AGPAT2: variants seen among roughly 807,000 people sequenced by gnomAD.
AGPAT2 encodes 1-acylglycerol-3-phosphate O-acyltransferase 2.
In AGPAT2, 18 loss-of-function variants were observed where a neutral mutation model predicts 26.1. That is an observed-to-expected ratio of 0.69 (90% CI 0.48 to 1.02). The LOEUF is 1.02. Among genes scored for constraint, AGPAT2 ranks in the 50% least tolerant of loss-of-function variants. The pLI is 0.00. For missense variants in AGPAT2, 415 were observed against 394.9 expected (o/e 1.05, Z -0.43); for synonymous variants, 200 against 174.2 (o/e 1.15, Z -1.16).
rs139346887 is a variant in AGPAT2, at chr9:136,683,771, G to A, written c.182+3405C>T. On this transcript the variant is annotated intron_variant, in intron 1 of 5. Transcript: ENST00000371696. ...CTGGGCCTGCACAGAGACACCTGGA[G>A]CGCTCTGGAGGACCAAGGTCACGGT... Among the ~76,000 whole-genome samples, 147 of 152,320 alleles carry A rather than the reference G, an allele frequency of 9.7e-4. 2 individuals are homozygous for A. In the East Asian group the frequency reaches 0.023, roughly 24 times the overall value.
intron 2 of AGPAT2, 45 bp from the exon 3 acceptor site, chr9:136,677,181 G>A (rs574814602): frequency 2.0e-5 from 32 of 1,604,606 alleles, no homozygotes; most frequent in South Asian, 1.8e-4. Flanking sequence ...GGGAGACAGC[G>A]TGCGCTGGAA....
intron 1 of AGPAT2, 146 bp from the exon 2 acceptor site, chr9:136,677,702 C>T: frequency 1.0e-6 from 1 of 998,754 alleles, no homozygotes; most frequent in Admixed American, 2.1e-5. Flanking sequence ...GGGGAGGGAG[C>T]CCCTGAAGCG....
At chr9:136,686,241 G>C (rs954929920) in intron 1 of AGPAT2, among the ~76,000 whole-genome samples, 76 of 152,368 alleles carry the variant, frequency 5.0e-4, no homozygotes, top group African/African-American at 1.8e-3. Context: ...GGAACCACGG[G>C]GAAGGGGGCC....
At chr9:136,675,144 C>T (rs1435126535) in intron 4 of AGPAT2, among the ~76,000 whole-genome samples, 3 of 152,162 alleles carry the variant, frequency 2.0e-5, no homozygotes, top group African/African-American at 7.2e-5. Flanking sequence ...GAGATTATGG[C>T]ACTCTTCCCT....
chr9:136,681,003 A>C (rs1394711851), intron 1 of AGPAT2, among the ~76,000 whole-genome samples: 1 of 152,018 alleles, frequency 6.6e-6, no homozygotes, highest in African/African-American at 2.4e-5. Flanking sequence ...GCACCACCTA[A>C]ACAATATAAT....
intron 1 of AGPAT2, among the ~76,000 whole-genome samples, chr9:136,686,678 G>A (rs1279303574): frequency 5.9e-5 from 9 of 152,228 alleles, no homozygotes; most frequent in African/African-American, 1.2e-4. Context: ...CGCCCCACAG[G>A]TGCGCCCATC....
Position 136,677,184 on chromosome 9 carries a change from C to T in AGPAT2, c.317-48G>A, listed in dbSNP as rs774089663. On this transcript the variant is annotated intron_variant, in intron 2 of 5. Transcript: ENST00000371696. ...CAGAGAGAGAGGGGGAGACAGCGTG[C>T]GCTGGAAGACAGCTGCTGAGCACCC... 2.2e-4 allele frequency: 345 copies of T among 1,599,842 alleles called. 2 individuals carry two copies. The highest frequency in any genetic ancestry group is 7.7e-4 in the Admixed American group (46 of 59,656).
chr9:136,676,641 T>G lies in AGPAT2; in HGVS notation c.532A>C (p.Asn178His). Residue 178 changes from asparagine (N) to histidine (H), a missense_variant, in exon 4 of 6, where the codon AAT (asparagine) becomes CAT (histidine). Coordinates refer to ENST00000371696, the MANE Select transcript of AGPAT2 (RefSeq NM_006412.4). ...WIYPEGTRND[N>H]GDLLPFKKGA... ...TTCTTAAAAGGCAGCAGGTCCCCATTGTCGTTGCGAGTACCCTCGGGATAG... is the reference window on the plus strand; with the variant it reads ...TTCTTAAAAGGCAGCAGGTCCCCATGGTCGTTGCGAGTACCCTCGGGATAG... 1 of 1,613,550 alleles carries G rather than the reference T, an allele frequency of 6.2e-7. No individual in the cohort carries two copies. The highest frequency in any genetic ancestry group is 1.3e-5 in the African/African-American group (1 of 75,040).
intron 5 of AGPAT2, among the ~76,000 whole-genome samples, chr9:136,674,228 C>T (rs1846057367): frequency 6.6e-6 from 1 of 152,264 alleles, no homozygotes; most frequent in Non-Finnish European, 1.5e-5. Context: ...GGCCTCTGCC[C>T]TCCATACGGG....
rs1489458362 is a variant in AGPAT2 at position 136,677,352 on chromosome 9, C to CCAGCCCCACA, written c.316+61_316+70dup. On this transcript the variant is annotated intron_variant, in intron 2 of 5. Transcript: ENST00000371696. The stretch of plus-strand genomic sequence containing the variant: ...AGCCCTGTGTCCTCGTCCCCGGGAC[C>CCAGCCCCACA]CAGCCCCACACAGCCCCAGCTCAGC... 11 of 1,608,988 alleles carry CCAGCCCCACA rather than the reference C, an allele frequency of 6.8e-6. No individual in the cohort carries two copies. In the African/African-American group the frequency reaches 1.5e-4, roughly 22 times the overall value.
rs1846069455 is a variant in AGPAT2 at position 136,674,804 on chromosome 9, G to A, written c.592C>T (p.Pro198Ser). 3 of 1,546,468 alleles carry A rather than the reference G, an allele frequency of 1.9e-6. No homozygotes were observed. The highest frequency in any genetic ancestry group is 2.5e-5 in the East Asian group (1 of 40,396). ...GAAGAGTACACCACGGGGACGATGG[G>A]CACCTGCAGGCAGGGAGACGCACAG... ...AFYLAVQAQVPIVPVVYSSFS... is the reference protein window; with the variant it reads ...AFYLAVQAQVSIVPVVYSSFS... The change falls in exon 5 of 6, where the codon CCC (proline) becomes TCC (serine). Residue 198 changes from proline (P) to serine (S), a missense_variant. Physicochemically the swap from Pro to Ser is moderately conservative, Grantham distance 74. Transcript: ENST00000371696.
intron 4 of AGPAT2, among the ~76,000 whole-genome samples, chr9:136,675,819 G>A (rs1254404645): frequency 6.6e-6 from 1 of 152,110 alleles, no homozygotes; most frequent in Non-Finnish European, 1.5e-5. Context: ...CAGCGCCTCC[G>A]GGGCTCCCCA....
At chr9:136,686,905 G>A (rs2131023190) in intron 1 of AGPAT2, among the ~76,000 whole-genome samples, 1 of 152,382 alleles carries the variant, frequency 6.6e-6, no homozygotes, top group South Asian at 2.1e-4. Context: ...GCAGGGACGC[G>A]GCGGAGGCCG....
In AGPAT2 at chr9:136,673,495, C is replaced by A; in HGVS notation, c.*257G>T. ...CAGCCGCAAGCCTCATCTTTATCAT[C>A]CCAGCTCCCAGAGGTGCCGTGGGCG... On this transcript the variant is annotated 3_prime_UTR_variant, in exon 6 of 6. Transcript: ENST00000371696. The A allele has an allele frequency of 2.6e-6, 1 of 389,436 alleles. No homozygotes were observed. Among genetic ancestry groups the A allele is most frequent in the Non-Finnish European group, 4.6e-6 (1 of 218,542 alleles). The allele number at this position is 389,436 out of a possible 1,614,324, so 24.1% of individuals were successfully genotyped here. A position where few individuals can be genotyped will look rare whatever the true frequency, so the allele number is the denominator to read the frequency against.
intron 5 of AGPAT2, 36 bp downstream of exon 5, chr9:136,674,699 G>A (rs558623539): frequency 3.7e-5 from 51 of 1,378,772 alleles, no homozygotes; most frequent in African/African-American, 7.5e-5. Context: ...AGGGTCAGGC[G>A]GGGCCTACAC....
In AGPAT2 at chr9:136,677,505, G is replaced by A. The variant is rs543374987; in HGVS notation, c.234C>T (p.Phe78=). Residue 78 remains phenylalanine (F), a synonymous_variant, in exon 2 of 6, where the codon TTC becomes TTT. Transcript: ENST00000371696. The part of the protein sequence containing the change: ...RSFKYFYGLR[F]EVRDPRRLQE... The stretch of plus-strand genomic sequence containing the variant: ...GCAGCCTGCGCGGGTCCCGCACCTC[G>A]AAGCGGAGCCCGTAAAAGTACTTGA... The A allele has an allele frequency of 2.6e-5, 42 of 1,613,046 alleles. 1 individual carries two copies. The highest frequency in any genetic ancestry group is 1.9e-4 in the South Asian group (17 of 91,082).
intron 4 of AGPAT2, among the ~76,000 whole-genome samples, chr9:136,675,423 G>T (rs1846078630): frequency 1.9e-5 from 1 of 53,722 alleles, no homozygotes; most frequent in African/African-American, 5.2e-5. Flanking sequence ...GTAGGCTGGG[G>T]ACTGGCAGCA....
At chr9:136,677,399 A>G (rs775403147) in intron 2 of AGPAT2, 24 bp downstream of exon 2, 23 of 1,612,764 alleles carry the variant, frequency 1.4e-5, no homozygotes, top group Non-Finnish European at 1.9e-5. Flanking sequence ...AAACCCCAGA[A>G]GCCACCCCCG....
intron 1 of AGPAT2, among the ~76,000 whole-genome samples, chr9:136,681,044 G>A (rs1482152741): frequency 6.6e-6 from 1 of 151,594 alleles, no homozygotes; most frequent in East Asian, 1.9e-4. Context: ...CGGTTCCGTG[G>A]CACTCGGCGC....
Sources: gnomAD v4.1 joint callset for allele counts (sites outside exome capture counted in the v4.1 genomes callset) on GRCh38, gnomAD v4.1.1 for gene constraint, MANE v1.5 for transcripts, NCBI Gene and HGNC (gene_info 2026-07-23, HGNC 2026-07-21) for gene names.